SOX5: variants seen among roughly 807,000 people sequenced by gnomAD.
SOX5 encodes transcription factor SOX-5.
A neutral mutation model predicts 92.0 loss-of-function variants in SOX5; 9 were observed. The observed-to-expected ratio is 0.10, with a 90% CI of 0.06 to 0.17. The LOEUF is 0.17. Among genes scored for constraint, SOX5 ranks in the 10% least tolerant of loss-of-function variants. The pLI is 1.00. For synonymous variants in SOX5, 344 were observed against 336.3 expected (o/e 1.02, Z -0.25); for missense variants, 642 against 944.5 (o/e 0.68, Z 4.20).
At chr12:24,496,192 T>C (rs1947620004) in intron 1 of SOX5, among the ~76,000 whole-genome samples, 1 of 151,962 alleles carries the variant, frequency 6.6e-6, no homozygotes, top group Admixed American at 6.6e-5. Context: ...TTCAAGCAAC[T>C]CCTACACAAG....
chr12:23,959,050 C>T (rs1946597279), intron 4 of SOX5, among the ~76,000 whole-genome samples: 1 of 151,686 alleles, frequency 6.6e-6, no homozygotes, highest in African/African-American at 2.4e-5. Context: ...AAAGACATAC[C>T]AAGTTCCTCA....
At chr12:24,049,999 C>G (rs758683811) in intron 4 of SOX5, among the ~76,000 whole-genome samples, 1 of 149,306 alleles carries the variant, frequency 6.7e-6, no homozygotes, top group Admixed American at 6.7e-5. Flanking sequence ...ACTGCTGGGA[C>G]GCCTGCCAGA....
chr12:24,390,359 C>T (rs79195962), intron 1 of SOX5, among the ~76,000 whole-genome samples: 3,652 of 152,224 alleles, frequency 0.024, 71 homozygotes, highest in East Asian at 0.048. Context: ...TTATATTGAA[C>T]ATAAAATCAA....
Position 23,827,359 on chromosome 12 carries a change from G to C in SOX5, c.481+18624C>G, listed in dbSNP as rs568728159. ...ACATAGAGAATTTACAATAAAAAGA[G>C]AATGGTAAATTGAAAACTTTTTCTA... On this transcript the variant is annotated intron_variant, in intron 3 of 14. Coordinates refer to ENST00000451604, the MANE Select transcript of SOX5 (RefSeq NM_006940.6). Among the ~76,000 whole-genome samples, 174 of 152,212 alleles carry C rather than the reference G, an allele frequency of 1.1e-3. 1 individual carries two copies. The highest frequency in any genetic ancestry group is 4.1e-3 in the African/African-American group (172 of 41,526).
chr12:24,457,235 AGAG>A (rs1332881169), intron 1 of SOX5, among the ~76,000 whole-genome samples: 27 of 152,240 alleles, frequency 1.8e-4, no homozygotes, highest in Admixed American at 1.4e-3. Context: ...AGACTCCAAA[AGAG>A]GAGACAGTTA....
At position 23,705,969 on chromosome 12, in the gene SOX5, C is replaced by CT. The variant is rs561901229; in HGVS notation, c.810+28714dup. On this transcript the variant is annotated intron_variant, in intron 6 of 14. Transcript: ENST00000451604. Reference sequence around the variant, plus strand: ...CTCCTAGAGAGGGAACATTTAACATCTTTTTTTTTTTTAACTGTTTAAAGT... The same window carrying CT: ...CTCCTAGAGAGGGAACATTTAACATCTTTTTTTTTTTTTAACTGTTTAAAGT... Among the ~76,000 whole-genome samples the CT allele has an allele frequency of 2.5e-3, 360 of 145,418 alleles. 4 individuals are homozygous for CT. Among genetic ancestry groups the CT allele is most frequent in the Middle Eastern group, 0.014 (4 of 286 alleles).
chr12:24,068,117 C>T (rs1941090049), intron 4 of SOX5, among the ~76,000 whole-genome samples: 1 of 152,078 alleles, frequency 6.6e-6, no homozygotes, highest in Non-Finnish European at 1.5e-5. Flanking sequence ...TGCACTCCAG[C>T]CTGGGCGACA....
intron 5 of SOX5, among the ~76,000 whole-genome samples, chr12:23,738,835 GTGT>G (rs1211885828): frequency 1.3e-5 from 2 of 152,114 alleles, no homozygotes; most frequent in East Asian, 3.9e-4. Flanking sequence ...GAAAAGAGTG[GTGT>G]TGTTTTATAC....
chr12:23,602,385 T>C (rs568790903), intron 9 of SOX5, among the ~76,000 whole-genome samples: 18 of 152,248 alleles, frequency 1.2e-4, no homozygotes, highest in African/African-American at 3.6e-4. Flanking sequence ...AATAAAATCA[T>C]TGTAGCGACT....
At chr12:24,010,078 T>C (rs926607608) in intron 4 of SOX5, among the ~76,000 whole-genome samples, 1 of 152,194 alleles carries the variant, frequency 6.6e-6, no homozygotes, top group Non-Finnish European at 1.5e-5. Flanking sequence ...AGTAGAAATA[T>C]AACAATTTTC....
rs574826188 is a variant in SOX5 at position 23,714,589 on chromosome 12, C to T, written c.810+20095G>A. Among the ~76,000 whole-genome samples, 3 of 152,220 alleles carry T rather than the reference C, an allele frequency of 2.0e-5. No homozygotes were observed. In the South Asian group the frequency reaches 6.2e-4, roughly 32 times the overall value. Reference sequence around the variant, plus strand: ...TGAGCCGAGATCGCGCCACTGTACTCCAGTGCGGGTGACAGAGTGAAAGTG... The same window carrying T: ...TGAGCCGAGATCGCGCCACTGTACTTCAGTGCGGGTGACAGAGTGAAAGTG... On this transcript the variant is annotated intron_variant, in intron 6 of 14. Coordinates refer to ENST00000451604, the MANE Select transcript of SOX5 (RefSeq NM_006940.6).
intron 1 of SOX5, among the ~76,000 whole-genome samples, chr12:24,441,545 G>T (rs1029716293): frequency 6.6e-6 from 1 of 152,152 alleles, no homozygotes; most frequent in Non-Finnish European, 1.5e-5. Flanking sequence ...CCAAAGTGTT[G>T]ATTTTTTTTC....
intron 4 of SOX5, among the ~76,000 whole-genome samples, chr12:24,066,231 T>C (rs563187185): frequency 6.6e-6 from 1 of 152,294 alleles, no homozygotes; most frequent in South Asian, 2.1e-4. Context: ...TGCATACAGG[T>C]CTTAAAATTG....
chr12:23,951,241 C>T (rs770477300), upstream of SOX5, among the ~76,000 whole-genome samples: 16 of 152,008 alleles, frequency 1.1e-4, no homozygotes, highest in Non-Finnish European at 2.1e-4. Context: ...ATAGTCTGTA[C>T]AGCCAATGTC....
rs1280351076 is a variant in SOX5, at chr12:23,949,593, A to T, written c.9T>A (p.Thr3=). ...CAAACTCCTGAGGTAAATCAGGGTC[A>T]GTAAGCATGCTGGAAAAGCACAATT... ML[T]DPDLPQEFER... Residue 3 remains threonine, a synonymous_variant, in exon 1 of 15, where the codon ACT becomes ACA. Coordinates refer to ENST00000451604, the MANE Select transcript of SOX5 (RefSeq NM_006940.6). 3.1e-6 allele frequency: 5 copies of T among 1,613,256 alleles called. No individual in the cohort carries two copies.
chr12:24,498,867 G>A (rs2138092600), intron 1 of SOX5, among the ~76,000 whole-genome samples: 1 of 152,218 alleles, frequency 6.6e-6, no homozygotes, highest in Admixed American at 6.5e-5. Flanking sequence ...CTGTGCTGCA[G>A]GTACTTGACC....
At chr12:24,434,951 A>G (rs1939117127) in intron 1 of SOX5, among the ~76,000 whole-genome samples, 1 of 152,202 alleles carries the variant, frequency 6.6e-6, no homozygotes, top group African/African-American at 2.4e-5. Context: ...TAGCAGAGCT[A>G]TAGTTTTGCT....
At chr12:23,582,338 A>C (rs1000363443) in intron 9 of SOX5, 1 of 955,576 alleles carries the variant, frequency 1.0e-6, no homozygotes, top group Non-Finnish European at 1.2e-6. Context: ...AAGAGATGGA[A>C]GTGTACCTGC....
At chr12:23,666,167 C>A (rs2083768918) in intron 6 of SOX5, among the ~76,000 whole-genome samples, 2 of 151,624 alleles carry the variant, frequency 1.3e-5, no homozygotes, top group African/African-American at 2.4e-5. Flanking sequence ...AACTGACTAG[C>A]CACAGAATTA....
Sources: gnomAD v4.1 joint callset for allele counts (sites outside exome capture counted in the v4.1 genomes callset) on GRCh38, gnomAD v4.1.1 for gene constraint, MANE v1.5 for transcripts, NCBI Gene and HGNC (gene_info 2026-07-23, HGNC 2026-07-21) for gene names.